Variants in IQGAP1 observed in about 807,000 individuals in gnomAD.
IQGAP1 encodes the protein IQ motif containing GTPase activating protein 1.
A neutral mutation model predicts 215.6 loss-of-function variants in IQGAP1; 66 were observed. That is an observed-to-expected ratio of 0.31 (90% CI 0.25 to 0.38). The LOEUF (loss-of-function observed/expected upper bound fraction) is 0.38, where lower values mean the gene tolerates loss of function less well. IQGAP1 is among the 10% of genes least tolerant of loss of function. The pLI is 1.00. For missense variants in IQGAP1, 1,712 were observed against 1,997.1 expected (o/e 0.86, Z 2.72); for synonymous variants, 772 against 728.7 (o/e 1.06, Z -0.96).
intron 26 of IQGAP1, among the ~76,000 whole-genome samples, chr15:90,479,832 CTT>C (rs1419323900): frequency 6.6e-6 from 1 of 152,068 alleles, no homozygotes; most frequent in Non-Finnish European, 1.5e-5. Context: ...TTGCAAAAGT[CTT>C]TTTAATTTTT....
intron 2 of IQGAP1, among the ~76,000 whole-genome samples, chr15:90,406,795 A>G (rs754893047): frequency 7.2e-5 from 11 of 152,244 alleles, no homozygotes; most frequent in Admixed American, 2.6e-4. Context: ...TTCAATAGTA[A>G]TAAGTGTGAT....
chr15:90,418,744 T>TG, intron 2 of IQGAP1, among the ~76,000 whole-genome samples: 1 of 152,196 alleles, frequency 6.6e-6, no homozygotes, highest in Non-Finnish European at 1.5e-5. Context: ...TATTGTGGTG[T>TG]GGGATACTTC....
intron 18 of IQGAP1, 106 bp downstream of exon 18, chr15:90,467,698 T>C (rs1305366110): frequency 8.3e-6 from 10 of 1,206,336 alleles, no homozygotes; most frequent in African/African-American, 4.7e-5. Context: ...TAGACTAAAA[T>C]TGAGGTTATG....
At chr15:90,407,419 A>G (rs1444114619) in intron 2 of IQGAP1, among the ~76,000 whole-genome samples, 1 of 152,182 alleles carries the variant, frequency 6.6e-6, no homozygotes, top group South Asian at 2.1e-4. Flanking sequence ...TTCCTGAGAG[A>G]TGGGAGGGGA....
chr15:90,467,982 G>T (rs1965854803), intron 18 of IQGAP1, among the ~76,000 whole-genome samples: 1 of 152,036 alleles, frequency 6.6e-6, no homozygotes, highest in African/African-American at 2.4e-5. Flanking sequence ...TTTTCATAGA[G>T]CTTTTAAAGT....
chr15:90,436,132 T>C (rs1965367861), intron 5 of IQGAP1, among the ~76,000 whole-genome samples: 1 of 151,220 alleles, frequency 6.6e-6, no homozygotes. Flanking sequence ...ACTTTAATCA[T>C]ACTAAATTAC....
At chr15:90,459,534 A>G (rs1053897487) in intron 15 of IQGAP1, among the ~76,000 whole-genome samples, 5 of 152,178 alleles carry the variant, frequency 3.3e-5, no homozygotes, top group African/African-American at 1.2e-4. Context: ...GGATGTGACT[A>G]TAGAGTTTGA....
intron 2 of IQGAP1, among the ~76,000 whole-genome samples, chr15:90,409,384 C>A (rs1271742594): frequency 6.6e-6 from 1 of 151,884 alleles, no homozygotes; most frequent in African/African-American, 2.4e-5. Context: ...ATTATGGGTG[C>A]CCGCCACAAC....
At chr15:90,418,526 A>G (rs571058018) in intron 2 of IQGAP1, among the ~76,000 whole-genome samples, 23 of 152,222 alleles carry the variant, frequency 1.5e-4, no homozygotes, top group African/African-American at 5.3e-4. Context: ...GGTTGAGGCC[A>G]CAGTGAGCCG....
intron 22 of IQGAP1, 115 bp from the exon 23 acceptor site, chr15:90,474,370 A>G: frequency 1.1e-6 from 1 of 895,628 alleles, no homozygotes; most frequent in Non-Finnish European, 1.8e-6. Context: ...TAGTTGTCTT[A>G]GCACATCTCA....
intron 18 of IQGAP1, among the ~76,000 whole-genome samples, chr15:90,471,747 A>C (rs192935936): frequency 3.3e-5 from 5 of 150,654 alleles, no homozygotes; most frequent in African/African-American, 1.2e-4. Flanking sequence ...TGATCCACCC[A>C]CCTCAGCCTC....
In IQGAP1 at chr15:90,429,588, G is replaced by GC; in HGVS notation, c.313-1_313insC (p.Ala105ArgfsTer7). 6.4e-7 allele frequency: 1 copy of GC among 1,573,510 alleles called. No homozygotes were observed. The highest frequency in any genetic ancestry group is 8.6e-7 in the Non-Finnish European group (1 of 1,166,232). On this transcript the variant is annotated frameshift_variant and splice_region_variant. Transcript: ENST00000268182. LOFTEE classifies it high-confidence loss of function. The stretch of plus-strand genomic sequence containing the variant: ...TACCTAATTTTCTTTTTTTTTTCTA[G>GC]GCGACTGGCCTCCACTTTAGACACA...
intron 9 of IQGAP1, among the ~76,000 whole-genome samples, chr15:90,444,180 A>T (rs540061795): frequency 2.0e-5 from 3 of 151,204 alleles, no homozygotes; most frequent in Admixed American, 2.0e-4. Flanking sequence ...AGACTCCTTC[A>T]CTTAGAAATA....
chr15:90,449,188 A>G (rs1278483108), intron 10 of IQGAP1, among the ~76,000 whole-genome samples: 1 of 152,042 alleles, frequency 6.6e-6, no homozygotes, highest in Admixed American at 6.6e-5. Context: ...TTTTAGAACA[A>G]ACATGAGGGG....
Position 90,491,405 on chromosome 15 carries a change from T to G in IQGAP1, c.4321T>G (p.Ser1441Ala), listed in dbSNP as rs564134950. Reference protein sequence around the residue: ...DAKTPDKMKKSKSVKEDSNLT... With the variant: ...DAKTPDKMKKAKSVKEDSNLT... Reference sequence around the variant, plus strand: ...CAAAACACCTGACAAGATGAAAAAGTCAAAATCTGTAAAGGAAGACAGCAA... The same window carrying G: ...CAAAACACCTGACAAGATGAAAAAGGCAAAATCTGTAAAGGAAGACAGCAA... The change falls in exon 34 of 38, where the codon TCA (serine) becomes GCA (alanine). Residue 1441 changes from serine to alanine, a missense_variant. This residue lies in a region of IQGAP1 where 691 missense variants were observed against 923.0 expected (regional missense o/e 0.75). Transcript: ENST00000268182. 1 of 1,613,792 alleles carries G rather than the reference T, an allele frequency of 6.2e-7. No homozygotes were observed. Among genetic ancestry groups the G allele is most frequent in the South Asian group, 1.1e-5 (1 of 91,072 alleles).
At chr15:90,407,209 G>A (rs1424313562) in intron 2 of IQGAP1, among the ~76,000 whole-genome samples, 2 of 152,176 alleles carry the variant, frequency 1.3e-5, no homozygotes, top group African/African-American at 4.8e-5. Flanking sequence ...GGATGAGAGC[G>A]TGTTCGATGA....
intron 2 of IQGAP1, chr15:90,391,888 T>C (rs890201143): frequency 6.6e-6 from 1 of 152,196 alleles, no homozygotes; most frequent in African/African-American, 2.4e-5. Context: ...GAAATATTTG[T>C]AATTAACGTT....
rs1230224414 is a variant in IQGAP1 at position 90,482,208 on chromosome 15, G to A, written c.3482G>A (p.Arg1161His). The change falls in exon 28 of 38, where the codon CGC becomes CAC. Residue 1161 changes from arginine (R) to histidine (H), a missense_variant. Physicochemically the swap from Arg to His is conservative, Grantham distance 29. Transcript: ENST00000268182. ...SSVDKIPYGM[R>H]FIAKVLKDSL... ...TGTCCATCCCGCAGTTATGGGATGC[G>A]CTTCATTGCCAAAGTGCTGAAGGAC... 3.1e-6 allele frequency: 5 copies of A among 1,614,166 alleles called. No homozygotes were observed. The highest frequency in any genetic ancestry group is 2.2e-5 in the East Asian group (1 of 44,884).
At chr15:90,453,023 AC>A (rs775791464) in intron 12 of IQGAP1, 85 bp downstream of exon 12, 139 of 1,559,242 alleles carry the variant, frequency 8.9e-5, no homozygotes, top group Non-Finnish European at 1.1e-4. Flanking sequence ...GTTAGGTAGA[AC>A]TTTTTTGCAT....
Sources: gnomAD v4.1 joint callset for allele counts (sites outside exome capture counted in the v4.1 genomes callset) on GRCh38, gnomAD v4.1.1 for gene constraint, gnomAD v4.1.1 regional missense constraint, MANE v1.5 for transcripts, NCBI Gene and HGNC (gene_info 2026-07-23, HGNC 2026-07-21) for gene names.